Variants in HERC5 observed in about 807,000 individuals in gnomAD.
The protein encoded by HERC5 is E3 ISG15--protein ligase HERC5.
A neutral mutation model predicts 119.6 loss-of-function variants in HERC5; 99 were observed. That is an observed-to-expected ratio of 0.83 (90% CI 0.70 to 0.98). The LOEUF is 0.98. HERC5 is among the 50% of genes least tolerant of loss of function. The pLI is 0.00. For synonymous variants in HERC5, 478 were observed against 445.9 expected (o/e 1.07, Z -0.91); for missense variants, 1,267 against 1,241.3 (o/e 1.02, Z -0.31).
At chr4:88,492,603 A>G (rs1243749658) in intron 16 of HERC5, among the ~76,000 whole-genome samples, 1 of 151,644 alleles carries the variant, frequency 6.6e-6, no homozygotes, top group Non-Finnish European at 1.5e-5. Context: ...AAAATTAGCC[A>G]GGCGTGGTGG....
chr4:88,478,652 C>T (rs561642769), intron 12 of HERC5, among the ~76,000 whole-genome samples: 1 of 152,114 alleles, frequency 6.6e-6, no homozygotes, highest in African/African-American at 2.4e-5. Context: ...TACTCTGTCA[C>T]CCAGGTTGGA....
At chr4:88,482,082 C>T (rs761115190) in intron 13 of HERC5, among the ~76,000 whole-genome samples, 2 of 151,714 alleles carry the variant, frequency 1.3e-5, no homozygotes, top group African/African-American at 2.4e-5. Flanking sequence ...GAGGCTGAGG[C>T]GGGCAGATCA....
At chr4:88,476,582 T>G (rs577057314) in intron 12 of HERC5, among the ~76,000 whole-genome samples, 5 of 152,226 alleles carry the variant, frequency 3.3e-5, no homozygotes, top group Non-Finnish European at 7.3e-5. Flanking sequence ...GAAAATAAGT[T>G]GAAGACATGA....
intron 13 of HERC5, among the ~76,000 whole-genome samples, chr4:88,484,460 G>A (rs192593558): frequency 6.6e-6 from 1 of 152,322 alleles, no homozygotes; most frequent in Admixed American, 6.5e-5. Context: ...CAGTTTGGTA[G>A]TACTTTACAT....
chr4:88,490,771 G>A (rs1342126836), intron 16 of HERC5, among the ~76,000 whole-genome samples: 4 of 152,138 alleles, frequency 2.6e-5, no homozygotes, highest in African/African-American at 9.7e-5. Context: ...CTTGAACCCA[G>A]GAGGTGGAGG....
intron 15 of HERC5, among the ~76,000 whole-genome samples, chr4:88,488,915 T>G (rs1741549742): frequency 6.6e-6 from 1 of 152,212 alleles, no homozygotes; most frequent in Admixed American, 6.5e-5. Flanking sequence ...CTTTAAAACC[T>G]GCAGTTGGTA....
intron 13 of HERC5, among the ~76,000 whole-genome samples, chr4:88,480,215 T>G (rs1249494725): frequency 6.6e-6 from 1 of 152,196 alleles, no homozygotes; most frequent in Non-Finnish European, 1.5e-5. Context: ...TAGAACTATA[T>G]GTATGTATTT....
At chr4:88,499,084 C>T (rs1277015371) in intron 18 of HERC5, among the ~76,000 whole-genome samples, 1 of 152,148 alleles carries the variant, frequency 6.6e-6, no homozygotes, top group Non-Finnish European at 1.5e-5. Context: ...GTCATGTATC[C>T]CTTCAGAAAA....
rs866943525 is a variant in HERC5, at chr4:88,475,186, A to G, written c.1393-655A>G. On this transcript the variant is annotated intron_variant, in intron 11 of 22. Transcript: ENST00000264350. The stretch of plus-strand genomic sequence containing the variant: ...AGTTCTGATGCATTTTTACTCTTGA[A>G]AAAAGAAACCCACGGTGTGATAGTG... Among the ~76,000 whole-genome samples, 6 of 150,658 alleles carry G rather than the reference A, an allele frequency of 4.0e-5. No individual in the cohort carries two copies. In the South Asian group the frequency reaches 8.4e-4, roughly 21 times the overall value.
chr4:88,491,076 C>T (rs965524581), intron 16 of HERC5, among the ~76,000 whole-genome samples: 1 of 152,132 alleles, frequency 6.6e-6, no homozygotes, highest in Non-Finnish European at 1.5e-5. Context: ...TGTATGACCC[C>T]TGTAATCTTT....
chr4:88,495,017 A>C (rs946067271), intron 18 of HERC5, among the ~76,000 whole-genome samples: 11 of 152,214 alleles, frequency 7.2e-5, no homozygotes, highest in Non-Finnish European at 1.5e-4. Context: ...TCCTTTTCAG[A>C]GAACAGTGTG....
intron 18 of HERC5, 67 bp downstream of exon 18, chr4:88,494,398 C>A: frequency 7.9e-7 from 1 of 1,273,374 alleles, no homozygotes; most frequent in Non-Finnish European, 1.1e-6. Context: ...TTTAAGTACA[C>A]ACGCTTCATA....
intron 10 of HERC5, among the ~76,000 whole-genome samples, chr4:88,471,607 G>A (rs1740872085): frequency 6.6e-6 from 1 of 152,076 alleles, no homozygotes; most frequent in African/African-American, 2.4e-5. Flanking sequence ...TCCTGGTGTT[G>A]GGATTATAGG....
intron 12 of HERC5, among the ~76,000 whole-genome samples, chr4:88,477,467 C>T (rs1221574900): frequency 1.5e-4 from 8 of 51,722 alleles, no homozygotes; most frequent in African/African-American, 6.3e-4. Flanking sequence ...GGGAAGGGAA[C>T]GGAAAGGAAG....
intron 15 of HERC5, among the ~76,000 whole-genome samples, chr4:88,487,385 A>T (rs1002710181): frequency 6.6e-6 from 1 of 152,228 alleles, no homozygotes; most frequent in African/African-American, 2.4e-5. Flanking sequence ...GGGCCTTGGT[A>T]GCAAGGGATG....
chr4:88,476,914 C>G (rs1300182085), intron 12 of HERC5, among the ~76,000 whole-genome samples: 1 of 149,592 alleles, frequency 6.7e-6, no homozygotes, highest in African/African-American at 2.5e-5. Flanking sequence ...AGTGAGACTC[C>G]GTCCCAAAAA....
chr4:88,500,508 C>T (rs189876666), intron 19 of HERC5, among the ~76,000 whole-genome samples: 11 of 152,318 alleles, frequency 7.2e-5, no homozygotes, highest in East Asian at 3.9e-4. Flanking sequence ...ATGGCCATGC[C>T]GAGATTCAGT....
At chr4:88,468,789 C>T (rs1165851101) in intron 8 of HERC5, among the ~76,000 whole-genome samples, 7 of 152,182 alleles carry the variant, frequency 4.6e-5, no homozygotes, top group African/African-American at 1.7e-4. Context: ...AATAAAAAGT[C>T]CATAACTTCC....
intron 3 of HERC5, among the ~76,000 whole-genome samples, chr4:88,461,560 T>A (rs568935954): frequency 6.6e-6 from 1 of 152,342 alleles, no homozygotes; most frequent in East Asian, 1.9e-4. Context: ...GTGTATTTTT[T>A]TAGACTCTAT....
Sources: allele counts gnomAD v4.1 joint callset (sites outside exome capture counted in the v4.1 genomes callset), GRCh38; gene constraint gnomAD v4.1.1; transcripts MANE v1.5; gene names NCBI Gene and HGNC (gene_info 2026-07-23, HGNC 2026-07-21).